The following SMC6 variants were observed in gnomAD, a reference collection of about 807,000 sequenced individuals.
SMC6 encodes the protein structural maintenance of chromosomes protein 6.
A neutral mutation model predicts 142.2 loss-of-function variants in SMC6; 79 were observed. The ratio of observed to expected loss-of-function variants is 0.56; its 90% confidence interval spans 0.46 to 0.67. The LOEUF is 0.67. SMC6 is among the 30% of genes least tolerant of loss of function. The pLI is 0.00. For synonymous variants in SMC6, 411 were observed against 412.4 expected (o/e 1.00, Z 0.04); for missense variants, 1,072 against 1,284.0 (o/e 0.83, Z 2.52).
chr2:17,738,057 T>C (rs1670243199), intron 5 of SMC6, among the ~76,000 whole-genome samples, 164 bp downstream of exon 5: 1 of 152,152 alleles, frequency 6.6e-6, no homozygotes, highest in Non-Finnish European at 1.5e-5. Context: ...CAGTGAGCCA[T>C]GCCAGCAACA....
chr2:17,725,612 G>A (rs1026102685), intron 8 of SMC6, among the ~76,000 whole-genome samples: 1 of 151,870 alleles, frequency 6.6e-6, no homozygotes, highest in Non-Finnish European at 1.5e-5. Flanking sequence ...AACACTTCAG[G>A]GTGTGGTAAT....
intron 7 of SMC6, among the ~76,000 whole-genome samples, chr2:17,727,556 TATTA>T (rs1669692845): frequency 6.6e-6 from 1 of 152,000 alleles, no homozygotes; most frequent in South Asian, 2.1e-4. Context: ...TAAAATCTCC[TATTA>T]ATTCTGTTCC....
rs1228852659 is a variant in SMC6, at chr2:17,718,066, A to G, written c.1092+11T>C. On this transcript the variant is annotated intron_variant, in intron 12 of 27. Transcript: ENST00000448223. ...GGCTTTTAAAATTCCAGTTTAGAAA[A>G]TTTATCTCACCTCAGCTTCATTATA... 2.5e-6 allele frequency: 4 copies of G among 1,587,978 alleles called. No homozygotes were observed. The highest frequency in any genetic ancestry group is 1.4e-5 in the African/African-American group (1 of 73,700).
chr2:17,750,479 CTTGAA>C (rs1670969464), intron 2 of SMC6, among the ~76,000 whole-genome samples: 1 of 152,176 alleles, frequency 6.6e-6, no homozygotes, highest in Non-Finnish European at 1.5e-5. Context: ...AAGTAAATGA[CTTGAA>C]TTTATGTAGC....
At chr2:17,711,018 G>A (rs1668800900) in intron 16 of SMC6, among the ~76,000 whole-genome samples, 1 of 152,130 alleles carries the variant, frequency 6.6e-6, no homozygotes, top group Middle Eastern at 3.2e-3. Flanking sequence ...GGAACAAGGA[G>A]ATAAAGAAAG....
chr2:17,746,733 G>C (rs191612479), intron 2 of SMC6, among the ~76,000 whole-genome samples: 19 of 152,280 alleles, frequency 1.2e-4, no homozygotes, highest in Non-Finnish European at 2.6e-4. Flanking sequence ...GATAGTTTAT[G>C]ATTAAAATTA....
intron 24 of SMC6, chr2:17,680,402 CAT>C (rs1667188776): frequency 6.6e-6 from 1 of 152,140 alleles, no homozygotes; most frequent in Non-Finnish European, 1.5e-5. Context: ...GACTTCCTCC[CAT>C]GAATCATAAA....
At position 17,714,945 on chromosome 2, in the gene SMC6, A is replaced by G; in HGVS notation, c.1646T>C (p.Met549Thr). The G allele has an allele frequency of 1.2e-6, 2 of 1,613,958 alleles. No individual in the cohort carries two copies. Among genetic ancestry groups the G allele is most frequent in the Non-Finnish European group, 1.7e-6 (2 of 1,179,942 alleles). The change falls in exon 16 of 28, where the codon ATG (methionine) becomes ACG (threonine). Residue 549 changes from methionine to threonine, a missense_variant. Physicochemically the swap from Met to Thr is moderately conservative, Grantham distance 81. This residue lies in a region of SMC6 where 994 missense variants were observed against 1,153.2 expected (regional missense o/e 0.86). Coordinates refer to ENST00000448223, the MANE Select transcript of SMC6 (RefSeq NM_001142286.2). Reference protein sequence around the residue: ...HADERVLQALMKRFYLPGTSR... With the variant: ...HADERVLQALTKRFYLPGTSR... ...GGTCCCTGGTAAATAAAACCTTTTC[A>G]TGAGTGCCTGAAGGACCCTTTCATC...
At chr2:17,749,329 C>T (rs941482701) in intron 2 of SMC6, among the ~76,000 whole-genome samples, 1 of 151,878 alleles carries the variant, frequency 6.6e-6, no homozygotes, top group African/African-American at 2.4e-5. Flanking sequence ...TAAAGAACAC[C>T]TCATTTCTCC....
At chr2:17,720,468 T>C (rs972642866) in intron 11 of SMC6, among the ~76,000 whole-genome samples, 2 of 152,216 alleles carry the variant, frequency 1.3e-5, no homozygotes, top group Admixed American at 6.5e-5. Context: ...TGACATGCCA[T>C]CTTGGTTCTG....
intron 2 of SMC6, among the ~76,000 whole-genome samples, chr2:17,750,049 A>G (rs963574208): frequency 1.3e-5 from 2 of 152,202 alleles, no homozygotes; most frequent in South Asian, 4.1e-4. Context: ...ATATATCACG[A>G]AATTATATGA....
chr2:17,671,750 G>T (rs1264229684), intron 25 of SMC6, among the ~76,000 whole-genome samples: 3 of 149,762 alleles, frequency 2.0e-5, no homozygotes, highest in Admixed American at 6.6e-5. Context: ...CTAAATAAAG[G>T]TCCATGGAAA....
intron 19 of SMC6, among the ~76,000 whole-genome samples, chr2:17,702,694 C>T (rs1668324894): frequency 6.6e-6 from 1 of 151,960 alleles, no homozygotes; most frequent in Admixed American, 6.6e-5. Flanking sequence ...GAGGCAGCTT[C>T]CCCCCTACTG....
intron 18 of SMC6, among the ~76,000 whole-genome samples, chr2:17,706,034 G>C (rs1668491709): frequency 6.6e-6 from 1 of 152,098 alleles, no homozygotes; most frequent in Non-Finnish European, 1.5e-5. Flanking sequence ...TTAAGATCCA[G>C]TAGAGAAATT....
chr2:17,728,455 G>C (rs961250444), intron 7 of SMC6, among the ~76,000 whole-genome samples: 2 of 152,006 alleles, frequency 1.3e-5, no homozygotes, highest in African/African-American at 2.4e-5. Context: ...CAGCACTTTG[G>C]GAGGCCAAGG....
intron 25 of SMC6, among the ~76,000 whole-genome samples, chr2:17,676,080 C>A (rs1666984767): frequency 6.6e-6 from 1 of 152,106 alleles, no homozygotes; most frequent in African/African-American, 2.4e-5. Flanking sequence ...TTTCGACCTG[C>A]CTTGATTTGT....
chr2:17,683,860 G>C, intron 23 of SMC6, 97 bp from the exon 24 acceptor site: 1 of 1,155,554 alleles, frequency 8.7e-7, no homozygotes, highest in Admixed American at 2.0e-5. Context: ...AACAGGGAGG[G>C]GCAGAGAGTA....
Position 17,670,553 on chromosome 2 carries a change from T to C in SMC6, c.2933A>G (p.Lys978Arg). ...SISVQPGEGNKAAFNDMRALS... is the reference protein window; with the variant it reads ...SISVQPGEGNRAAFNDMRALS... ...GGCTCTCATGTCATTGAAAGCAGCT[T>C]TATTTCCTTCTCCAGGCTGAACCTT... Residue 978 changes from lysine (K) to arginine (R), a missense_variant, in exon 26 of 28, where the codon AAA (lysine) becomes AGA (arginine). This residue lies in a region of SMC6 where 994 missense variants were observed against 1,153.2 expected (regional missense o/e 0.86). Transcript: ENST00000448223. The C allele has an allele frequency of 3.8e-6, 6 of 1,576,838 alleles. No individual in the cohort carries two copies. The highest frequency in any genetic ancestry group is 4.3e-6 in the Non-Finnish European group (5 of 1,168,830).
intron 7 of SMC6, among the ~76,000 whole-genome samples, chr2:17,730,628 G>A (rs1269762189): frequency 6.8e-6 from 1 of 146,366 alleles, no homozygotes; most frequent in African/African-American, 2.5e-5. Flanking sequence ...TTGAGATGGA[G>A]TTTCACTCTT....
Sources: allele counts gnomAD v4.1 joint callset (sites outside exome capture counted in the v4.1 genomes callset), GRCh38; gene constraint gnomAD v4.1.1; regional missense constraint gnomAD v4.1.1; transcripts MANE v1.5; gene names NCBI Gene and HGNC (gene_info 2026-07-23, HGNC 2026-07-21).